FTO: variants seen among roughly 807,000 people sequenced by gnomAD.
The protein encoded by FTO is FTO alpha-ketoglutarate dependent dioxygenase.
In FTO, 47 loss-of-function variants were observed where a neutral mutation model predicts 63.9. That is an observed-to-expected ratio of 0.74 (90% CI 0.58 to 0.94). The LOEUF (loss-of-function observed/expected upper bound fraction) is 0.94, where lower values mean the gene tolerates loss of function less well. Ranked by LOEUF, FTO falls within the 40% of genes least tolerant of loss-of-function variation. The pLI is 0.00. For synonymous variants in FTO, 207 were observed against 224.4 expected, an observed-to-expected ratio of 0.92 and a Z score of 0.69; for missense variants, 562 against 618.1, an observed-to-expected ratio of 0.91 and a Z score of 0.96.
chr16:53,844,269 T>G lies in FTO; in HGVS notation c.866T>G (p.Leu289Arg). ...DIETPGLAIPLHQGDCYFMLD... is the reference protein window; with the variant it reads ...DIETPGLAIPRHQGDCYFMLD... ...GAGACACCTGGTTTGGCGATACCCC[T>G]TCACCAAGGAGACTGCTATTTCATG... Residue 289 changes from leucine (L) to arginine (R), a missense_variant, in exon 4 of 9, where the codon CTT becomes CGT. Coordinates refer to ENST00000471389, the MANE Select transcript of FTO (RefSeq NM_001080432.3). 1 of 1,613,432 alleles carries G rather than the reference T, an allele frequency of 6.2e-7. No individual in the cohort carries two copies. The highest frequency in any genetic ancestry group is 8.5e-7 in the Non-Finnish European group (1 of 1,179,368).
intron 8 of FTO, among the ~76,000 whole-genome samples, chr16:54,019,898 G>T (rs2084548222): frequency 6.6e-6 from 1 of 152,124 alleles, no homozygotes; most frequent in South Asian, 2.1e-4. Context: ...CAGAAAAGAA[G>T]GTGGCTGGGA....
Position 53,704,206 on chromosome 16 carries a change from G to T in FTO, c.22G>T (p.Glu8Ter). The T allele has an allele frequency of 6.4e-7, 1 of 1,551,516 alleles. No individual in the cohort carries two copies. Among genetic ancestry groups the T allele is most frequent in the East Asian group, 2.4e-5 (1 of 40,916 alleles). The change falls in exon 1 of 9, where the codon GAG becomes TAG. Residue 8 changes from glutamate (E) to a stop codon, truncating the protein, a stop_gained. Coordinates refer to ENST00000471389, the MANE Select transcript of FTO (RefSeq NM_001080432.3). LOFTEE classifies it high-confidence loss of function. The stretch of plus-strand genomic sequence containing the variant: ...CAGCATGAAGCGCACCCCGACTGCC[G>T]AGGAACGAGAGCGCGAAGCTAAGGT... The part of the protein sequence containing the change: MKRTPTA[E>*]EREREAKKLR...
chr16:54,079,736 T>C (rs7206224), intron 8 of FTO, among the ~76,000 whole-genome samples: 118,764 of 152,090 alleles, frequency 0.78, 47,630 homozygotes, highest in East Asian at 1. Flanking sequence ...GGAACGTGTA[T>C]GTCCTATCTA....
At chr16:53,801,761 C>CT (rs935213881) in intron 1 of FTO, among the ~76,000 whole-genome samples, 6 of 145,696 alleles carry the variant, frequency 4.1e-5, no homozygotes, top group African/African-American at 1.3e-4. Flanking sequence ...TGGTGTTATT[C>CT]TTTTTTTTCT....
At chr16:53,948,600 C>G (rs1007064651) in intron 8 of FTO, among the ~76,000 whole-genome samples, 1 of 152,174 alleles carries the variant, frequency 6.6e-6, no homozygotes, top group Non-Finnish European at 1.5e-5. Flanking sequence ...TCCAGCCTTG[C>G]GAGGAGGCAG....
intron 8 of FTO, among the ~76,000 whole-genome samples, chr16:53,954,029 G>A (rs1246830875): frequency 2.0e-5 from 3 of 152,174 alleles, no homozygotes; most frequent in Admixed American, 1.3e-4. Context: ...ACTTAATGAC[G>A]AAGGCTAGGG....
At chr16:54,040,155 G>A (rs2085037341) in intron 8 of FTO, 2 of 152,130 alleles carry the variant, frequency 1.3e-5, no homozygotes, top group South Asian at 4.1e-4. Flanking sequence ...AATCCTTTTA[G>A]GGATGCAAGA....
intron 8 of FTO, among the ~76,000 whole-genome samples, chr16:54,069,129 G>A (rs1171301481): frequency 1.3e-5 from 2 of 152,022 alleles, no homozygotes; most frequent in Non-Finnish European, 2.9e-5. Flanking sequence ...TCTTTTTAAG[G>A]AATGCTAGAA....
At chr16:53,875,988 C>T (rs572707123) in intron 5 of FTO, among the ~76,000 whole-genome samples, 294 of 152,152 alleles carry the variant, frequency 1.9e-3, no homozygotes, top group African/African-American at 6.7e-3. Flanking sequence ...TGCTCCCGGC[C>T]TAGATTTTAG....
chr16:53,988,661 C>T (rs1258881067), intron 8 of FTO, among the ~76,000 whole-genome samples: 3 of 152,122 alleles, frequency 2.0e-5, no homozygotes, highest in Non-Finnish European at 2.9e-5. Context: ...GTAGGTACTA[C>T]TGTTATCTCC....
intron 8 of FTO, among the ~76,000 whole-genome samples, chr16:54,026,877 T>C (rs970457826): frequency 2.0e-5 from 3 of 152,238 alleles, no homozygotes; most frequent in Non-Finnish European, 2.9e-5. Flanking sequence ...CATTTTTCTT[T>C]AGCCTTTTTG....
intron 8 of FTO, among the ~76,000 whole-genome samples, chr16:53,962,550 T>C (rs933951108): frequency 6.6e-6 from 1 of 152,230 alleles, no homozygotes; most frequent in African/African-American, 2.4e-5. Context: ...TTTGTTATTA[T>C]GTTTCATCAT....
At chr16:53,943,394 T>C (rs894688397) in intron 8 of FTO, among the ~76,000 whole-genome samples, 2 of 152,250 alleles carry the variant, frequency 1.3e-5, no homozygotes, top group African/African-American at 4.8e-5. Flanking sequence ...ATGAACTCTG[T>C]TTCTGGCAGG....
At chr16:54,009,127 C>G (rs2084281650) in intron 8 of FTO, among the ~76,000 whole-genome samples, 1 of 152,104 alleles carries the variant, frequency 6.6e-6, no homozygotes, top group Non-Finnish European at 1.5e-5. Flanking sequence ...CTCGGCATAG[C>G]ACCAAGCACT....
chr16:53,839,173 C>G (rs1222542795), intron 3 of FTO, among the ~76,000 whole-genome samples: 5 of 152,128 alleles, frequency 3.3e-5, no homozygotes, highest in Admixed American at 2.0e-4. Context: ...GACTTTTAAA[C>G]TTAACAGTCT....
intron 1 of FTO, among the ~76,000 whole-genome samples, chr16:53,768,999 A>C (rs1186418873): frequency 1.3e-5 from 2 of 152,176 alleles, no homozygotes; most frequent in African/African-American, 4.8e-5. Flanking sequence ...CCTTCCAGAG[A>C]CATTTGCATT....
intron 6 of FTO, chr16:53,887,836 CT>C (rs1192285256): frequency 6.6e-6 from 1 of 152,028 alleles, no homozygotes; most frequent in African/African-American, 2.4e-5. Context: ...ATTTGAATGG[CT>C]TTGTCGGTTT....
At chr16:53,704,852 A>G (rs1971922103) in intron 1 of FTO, among the ~76,000 whole-genome samples, 1 of 152,220 alleles carries the variant, frequency 6.6e-6, no homozygotes, top group Non-Finnish European at 1.5e-5. Flanking sequence ...ATTTCATATC[A>G]TTGTCACAGC....
At chr16:53,769,155 A>G (rs911965735) in intron 1 of FTO, among the ~76,000 whole-genome samples, 2 of 152,222 alleles carry the variant, frequency 1.3e-5, no homozygotes, top group Non-Finnish European at 2.9e-5. Flanking sequence ...CAATAAATGT[A>G]TCTATGACAA....
Sources: allele counts gnomAD v4.1 joint callset (sites outside exome capture counted in the v4.1 genomes callset), GRCh38; gene constraint gnomAD v4.1.1; transcripts MANE v1.5; gene names NCBI Gene and HGNC (gene_info 2026-07-23, HGNC 2026-07-21).